The following CLNK variants were observed in gnomAD, a reference collection of about 807,000 sequenced individuals.
The protein encoded by CLNK is cytokine-dependent hematopoietic cell linker.
In CLNK, 74 loss-of-function variants were observed where a neutral mutation model predicts 68.6. That is an observed-to-expected ratio of 1.08 (90% CI 0.89 to 1.31). CLNK has a LOEUF of 1.31. Among genes scored for constraint, CLNK ranks in the 50% most tolerant of loss-of-function variants. The pLI, the probability that CLNK is intolerant of heterozygous loss-of-function variation, is 0.00. For missense variants in CLNK, 553 were observed against 515.3 expected, an observed-to-expected ratio of 1.07 and a Z score of -0.71; for synonymous variants, 198 against 172.2, an observed-to-expected ratio of 1.15 and a Z score of -1.17.
the CLNK span, among the ~76,000 whole-genome samples, chr4:10,712,742 C>A: frequency 6.6e-6 from 1 of 152,200 alleles, no homozygotes; most frequent in Non-Finnish European, 1.5e-5. Context: ...AAATTTATAA[C>A]TACCCCAAAT....
At chr4:10,717,810 A>C in the CLNK span, among the ~76,000 whole-genome samples, 1 of 152,238 alleles carries the variant, frequency 6.6e-6, no homozygotes, top group African/African-American at 2.4e-5. Context: ...TGCAGTTTTC[A>C]ATAAAAAAGT....
chr4:10,667,759 G>A (rs138890808), intron 2 of CLNK, 100 bp downstream of exon 2: 230 of 1,118,654 alleles, frequency 2.1e-4, no homozygotes, highest in African/African-American at 1.9e-3. Context: ...TTCCATGGGC[G>A]GCCACATTGG....
At chr4:10,529,965 T>G (rs1718470985) in intron 12 of CLNK, among the ~76,000 whole-genome samples, 1 of 152,104 alleles carries the variant, frequency 6.6e-6, no homozygotes, top group African/African-American at 2.4e-5. Flanking sequence ...TCTCTTTTAT[T>G]ACCTCTCTCC....
At chr4:10,524,776 G>A (rs116036446) in intron 14 of CLNK, among the ~76,000 whole-genome samples, 282 of 152,278 alleles carry the variant, frequency 1.9e-3, no homozygotes, top group African/African-American at 6.5e-3. Context: ...TGGAGGAATA[G>A]GAGTGTTCCA....
the CLNK span, among the ~76,000 whole-genome samples, chr4:10,724,462 T>C: frequency 6.7e-6 from 1 of 150,276 alleles, no homozygotes; most frequent in African/African-American, 2.4e-5. Flanking sequence ...ACGCCACTCT[T>C]GATATTACAT....
the CLNK span, among the ~76,000 whole-genome samples, chr4:10,728,137 A>T: frequency 1.3e-5 from 2 of 152,168 alleles, no homozygotes; most frequent in African/African-American, 2.4e-5. Context: ...ACTGCTGAAC[A>T]TCCTACAGTG....
chr4:10,589,202 C>T (rs1032030011), intron 3 of CLNK, among the ~76,000 whole-genome samples: 1 of 152,212 alleles, frequency 6.6e-6, no homozygotes, highest in African/African-American at 2.4e-5. Flanking sequence ...GCATTTCCAG[C>T]TCCACTTTGC....
At chr4:10,709,110 A>G in the CLNK span, among the ~76,000 whole-genome samples, 5 of 152,234 alleles carry the variant, frequency 3.3e-5, no homozygotes, top group South Asian at 2.1e-4. Flanking sequence ...AGATAGTGGT[A>G]TGGTATCAGA....
chr4:10,506,999 T>G (rs10938835), intron 17 of CLNK, among the ~76,000 whole-genome samples: 151,183 of 152,044 alleles, frequency 0.99, 75,175 homozygotes, highest in East Asian at 1. Flanking sequence ...TAGAGACGGG[T>G]TTTCACCGTG....
chr4:10,648,681 A>G (rs980691087), intron 2 of CLNK, among the ~76,000 whole-genome samples: 1 of 152,138 alleles, frequency 6.6e-6, no homozygotes, highest in Admixed American at 6.6e-5. Flanking sequence ...AGAGCTTGTG[A>G]AAGGTGGAGA....
intron 8 of CLNK, among the ~76,000 whole-genome samples, chr4:10,546,832 T>C (rs1719252110): frequency 1.3e-5 from 2 of 152,272 alleles, no homozygotes; most frequent in South Asian, 2.1e-4. Flanking sequence ...CTTTCAGTTG[T>C]GGAGGCTAAG....
chr4:10,507,749 T>A (rs1052210176), intron 17 of CLNK, among the ~76,000 whole-genome samples: 3 of 152,126 alleles, frequency 2.0e-5, no homozygotes, highest in Non-Finnish European at 4.4e-5. Flanking sequence ...CCCAAGGTGC[T>A]AGGATTACAG....
the CLNK span, among the ~76,000 whole-genome samples, chr4:10,731,577 C>G: frequency 6.6e-6 from 1 of 152,188 alleles, no homozygotes; most frequent in African/African-American, 2.4e-5. Flanking sequence ...GTTATTCTCT[C>G]TTAAAAGGGG....
the CLNK span, among the ~76,000 whole-genome samples, chr4:10,694,105 T>C: frequency 6.6e-6 from 1 of 151,982 alleles, no homozygotes; most frequent in Non-Finnish European, 1.5e-5. Flanking sequence ...CTAGGCCCTG[T>C]CCCTAAATCA....
At chr4:10,729,163 G>T in the CLNK span, among the ~76,000 whole-genome samples, 7 of 152,090 alleles carry the variant, frequency 4.6e-5, no homozygotes, top group South Asian at 8.3e-4. Flanking sequence ...TTTTCTCTTT[G>T]TGTCCTGTTT....
the CLNK span, among the ~76,000 whole-genome samples, chr4:10,728,485 C>A: frequency 0.024 from 3,657 of 152,036 alleles, 115 homozygotes; most frequent in African/African-American, 0.074. Context: ...GAAGCAAAAT[C>A]TCTTGGCTTC....
intron 3 of CLNK, among the ~76,000 whole-genome samples, chr4:10,586,913 A>C (rs776922225): frequency 2.0e-5 from 3 of 150,204 alleles, no homozygotes. Flanking sequence ...TGGGCCATTT[A>C]TGTGTCTTCT....
At chr4:10,658,542 C>T (rs966722330) in intron 2 of CLNK, among the ~76,000 whole-genome samples, 5 of 152,182 alleles carry the variant, frequency 3.3e-5, no homozygotes, top group African/African-American at 1.2e-4. Context: ...GAGCTGAACG[C>T]CCAGACTGGA....
intron 4 of CLNK, 68 bp downstream of exon 4, chr4:10,584,859 G>A (rs1720913157): frequency 1.3e-6 from 2 of 1,496,448 alleles, no homozygotes; most frequent in Non-Finnish European, 1.9e-6. Flanking sequence ...AAAAAAGAAT[G>A]GAAATAACAG....
Sources: gnomAD v4.1 joint callset for allele counts (sites outside exome capture counted in the v4.1 genomes callset) on GRCh38, gnomAD v4.1.1 for gene constraint, MANE v1.5 for transcripts, NCBI Gene and HGNC (gene_info 2026-07-23, HGNC 2026-07-21) for gene names.